RNF4: variants seen among roughly 807,000 people sequenced by gnomAD.
RNF4 encodes ring finger protein 4, also known as E3 ubiquitin-protein ligase RNF4.
Under a neutral mutation model 24.3 loss-of-function variants are expected in RNF4, and 7 were observed. The observed-to-expected ratio is 0.29, with a 90% CI of 0.16 to 0.54. RNF4 has a LOEUF of 0.54. Among genes scored for constraint, RNF4 ranks in the 20% least tolerant of loss-of-function variants. The pLI, the probability that RNF4 is intolerant of heterozygous loss-of-function variation, is 0.95. For synonymous variants in RNF4, 83 were observed against 84.3 expected, an observed-to-expected ratio of 0.98 and a Z score of 0.09; for missense variants, 209 against 248.5, an observed-to-expected ratio of 0.84 and a Z score of 1.07.
rs141021221 is a variant in RNF4 at position 2,484,071 on chromosome 4, C to CCCCCCT, written c.-157-6262_-157-6261insCTCCCC. On this transcript the variant is annotated intron_variant, in intron 1 of 7. Transcript: ENST00000314289. ...CGAACTCCTGGCCTCAGGTGATCCC[C>CCCCCCT]CCCCGCCTCGGCCTCCCAAAGTGCT... 4.0e-5 allele frequency among the ~76,000 whole-genome samples: 2 copies of CCCCCCT among 50,234 alleles called. 1 individual carries two copies. Among genetic ancestry groups the CCCCCCT allele is most frequent in the Non-Finnish European group, 1.1e-4 (2 of 18,238 alleles). The allele number at this position is 50,234 out of a possible 152,430, so 33.0% of individuals were successfully genotyped here.
chr4:2,475,214 G>A (rs145139240), intron 1 of RNF4, among the ~76,000 whole-genome samples: 277 of 152,310 alleles, frequency 1.8e-3, no homozygotes, highest in African/African-American at 6.5e-3. Flanking sequence ...TGCCCCAGTT[G>A]GAGTGCATTG....
At chr4:2,472,815 C>T (rs553157301) in intron 1 of RNF4, among the ~76,000 whole-genome samples, 10 of 150,294 alleles carry the variant, frequency 6.7e-5, no homozygotes, top group South Asian at 2.1e-4. Flanking sequence ...GCGAAGTGGG[C>T]GGATCACAAG....
chr4:2,495,222 A>G (rs1735696757), intron 2 of RNF4, among the ~76,000 whole-genome samples: 2 of 152,178 alleles, frequency 1.3e-5, no homozygotes, highest in African/African-American at 4.8e-5. Context: ...TTCATTTCCA[A>G]AACATCTCAA....
intron 1 of RNF4, among the ~76,000 whole-genome samples, chr4:2,474,017 G>A (rs928383417): frequency 3.3e-5 from 5 of 152,112 alleles, no homozygotes; most frequent in African/African-American, 1.2e-4. Flanking sequence ...GGAAGCAGAG[G>A]TTGCAGTGAG....
At chr4:2,503,617 A>G (rs895331195) in intron 4 of RNF4, among the ~76,000 whole-genome samples, 1 of 152,214 alleles carries the variant, frequency 6.6e-6, no homozygotes, top group Non-Finnish European at 1.5e-5. Context: ...GTGCCAGTTT[A>G]TGAATTTACA....
At chr4:2,511,801 G>A (rs1364296005) in intron 4 of RNF4, among the ~76,000 whole-genome samples, 155 bp from the exon 5 acceptor site, 1 of 152,228 alleles carries the variant, frequency 6.6e-6, no homozygotes, top group Non-Finnish European at 1.5e-5. Flanking sequence ...GAGGTGCACA[G>A]ATCCTCTGTG....
intron 2 of RNF4, among the ~76,000 whole-genome samples, chr4:2,491,213 G>A (rs1359929848): frequency 2.6e-5 from 4 of 152,068 alleles, no homozygotes; most frequent in Admixed American, 2.6e-4. Flanking sequence ...AAGTTGATTC[G>A]TCATTATAAT....
At chr4:2,498,452 TGCTGG>T (rs1372235411) in intron 3 of RNF4, among the ~76,000 whole-genome samples, 3 of 152,132 alleles carry the variant, frequency 2.0e-5, no homozygotes. Flanking sequence ...CCTCCCAAAG[TGCTGG>T]GATTACAGGC....
intron 1 of RNF4, among the ~76,000 whole-genome samples, chr4:2,481,898 C>T (rs1317075100): frequency 2.0e-5 from 3 of 152,054 alleles, no homozygotes; most frequent in Non-Finnish European, 4.4e-5. Flanking sequence ...TTTGTAGAGA[C>T]AGGATTTCCC....
intron 1 of RNF4, among the ~76,000 whole-genome samples, chr4:2,481,425 A>G (rs1735240140): frequency 1.3e-5 from 2 of 152,128 alleles, no homozygotes; most frequent in South Asian, 4.1e-4. Flanking sequence ...CTGCAAATGA[A>G]CCCAGAAAAG....
intron 3 of RNF4, among the ~76,000 whole-genome samples, chr4:2,498,360 G>A (rs1487544439): frequency 2.6e-5 from 4 of 151,942 alleles, no homozygotes; most frequent in African/African-American, 9.7e-5. Context: ...AATTTTTTTT[G>A]TATTTTTAGT....
rs982976097 is a variant in RNF4, at chr4:2,496,256, T to C, written c.10-751T>C. 2.6e-5 allele frequency among the ~76,000 whole-genome samples: 4 copies of C among 152,242 alleles called. 1 individual carries two copies. The highest frequency in any genetic ancestry group is 1.9e-4 in the East Asian group (1 of 5,188). ...AGGGGAAGATAAGCTTTCCACAATG[T>C]ATAGAAACTCAGAAAACTCCAAGTT... On this transcript the variant is annotated intron_variant, in intron 2 of 7. Transcript: ENST00000314289.
intron 1 of RNF4, among the ~76,000 whole-genome samples, chr4:2,486,033 G>A (rs1267941603): frequency 1.3e-5 from 2 of 152,110 alleles, no homozygotes; most frequent in African/African-American, 4.8e-5. Flanking sequence ...TTGAGGGTGT[G>A]GGTCTTGGTA....
intron 1 of RNF4, among the ~76,000 whole-genome samples, chr4:2,485,063 C>T (rs1735365214): frequency 6.6e-6 from 1 of 152,202 alleles, no homozygotes; most frequent in East Asian, 1.9e-4. Context: ...CCGCCCACCC[C>T]ACCCACATAC....
intron 1 of RNF4, among the ~76,000 whole-genome samples, chr4:2,474,562 A>C (rs1735009619): frequency 2.0e-5 from 3 of 152,156 alleles, no homozygotes; most frequent in African/African-American, 2.4e-5. Flanking sequence ...AGGATTTAGA[A>C]TATTTTATAA....
intron 4 of RNF4, among the ~76,000 whole-genome samples, chr4:2,507,222 A>G (rs1054584969): frequency 6.6e-6 from 1 of 151,738 alleles, no homozygotes; most frequent in East Asian, 1.9e-4. Context: ...GAGGGAGGGA[A>G]GGAGGGAGGG....
chr4:2,479,679 T>C (rs1578500814), intron 1 of RNF4, among the ~76,000 whole-genome samples: 1 of 152,206 alleles, frequency 6.6e-6, no homozygotes, highest in Non-Finnish European at 1.5e-5. Context: ...CCTCTTTCTT[T>C]TGTAAATTGG....
intron 1 of RNF4, among the ~76,000 whole-genome samples, chr4:2,478,060 C>T (rs1474033521): frequency 6.6e-6 from 1 of 152,176 alleles, no homozygotes. Context: ...TTGTTGGGAA[C>T]TGGAGCAAGG....
intron 4 of RNF4, among the ~76,000 whole-genome samples, chr4:2,504,774 G>A (rs1206528390): frequency 7.6e-6 from 1 of 132,246 alleles, no homozygotes; most frequent in East Asian, 2.2e-4. Flanking sequence ...CTGTCACCCA[G>A]GCTGGAGTGC....
Sources: allele counts gnomAD v4.1 joint callset (sites outside exome capture counted in the v4.1 genomes callset), GRCh38; gene constraint gnomAD v4.1.1; transcripts MANE v1.5; gene names NCBI Gene and HGNC (gene_info 2026-07-23, HGNC 2026-07-21).